Variants in PPP1R14C observed in about 807,000 individuals in gnomAD.
PPP1R14C encodes protein phosphatase 1 regulatory subunit 14C.
Under a neutral mutation model 20.4 loss-of-function variants are expected in PPP1R14C, and 16 were observed. The ratio of observed to expected loss-of-function variants is 0.78; its 90% CI spans 0.53 to 1.19. PPP1R14C has a LOEUF of 1.19. Among genes scored for constraint, PPP1R14C ranks in the 50% most tolerant of loss-of-function variants. PPP1R14C has a pLI of 0.00. For synonymous variants in PPP1R14C, 91 were observed against 91.0 expected, an observed-to-expected ratio of 1.00 and a Z score of 0.00; for missense variants, 211 against 220.1, an observed-to-expected ratio of 0.96 and a Z score of 0.26.
At chr6:150,204,838 G>A (rs1013834769) in intron 1 of PPP1R14C, among the ~76,000 whole-genome samples, 7 of 152,106 alleles carry the variant, frequency 4.6e-5, no homozygotes, top group African/African-American at 1.7e-4. Context: ...GCAGCCTGGG[G>A]CATACACGGG....
intron 1 of PPP1R14C, among the ~76,000 whole-genome samples, chr6:150,165,432 T>C (rs1777412365): frequency 6.6e-6 from 1 of 152,232 alleles, no homozygotes; most frequent in African/African-American, 2.4e-5. Context: ...CTGGACCAGT[T>C]CTGCTGGCTA....
intron 1 of PPP1R14C, among the ~76,000 whole-genome samples, chr6:150,168,119 C>T (rs1249546699): frequency 2.3e-5 from 3 of 128,678 alleles, no homozygotes; most frequent in Non-Finnish European, 4.8e-5. Flanking sequence ...TTCCCTCCCC[C>T]ACTCCTTCTC....
At chr6:150,200,854 A>G (rs2114897180) in intron 1 of PPP1R14C, among the ~76,000 whole-genome samples, 1 of 152,180 alleles carries the variant, frequency 6.6e-6, no homozygotes, top group Admixed American at 6.5e-5. Context: ...TCATCCTCTA[A>G]GTTTCCATGG....
At chr6:150,194,165 T>C (rs529927715) in intron 1 of PPP1R14C, among the ~76,000 whole-genome samples, 2 of 152,330 alleles carry the variant, frequency 1.3e-5, no homozygotes, top group Admixed American at 1.3e-4. Context: ...GTGAGTTCAT[T>C]AAACCTCTTT....
At chr6:150,145,602 C>T (rs1777172197) in intron 1 of PPP1R14C, among the ~76,000 whole-genome samples, 1 of 152,180 alleles carries the variant, frequency 6.6e-6, no homozygotes, top group Admixed American at 6.5e-5. Flanking sequence ...CTATTTTTAG[C>T]ATTGGGTTCT....
chr6:150,242,132 C>CAA (rs764088908), intron 3 of PPP1R14C, among the ~76,000 whole-genome samples: 122 of 151,972 alleles, frequency 8.0e-4, no homozygotes, highest in Admixed American at 1.4e-3. Flanking sequence ...CAAAACAAAA[C>CAA]AACAACAACA....
intron 1 of PPP1R14C, among the ~76,000 whole-genome samples, chr6:150,174,159 A>G (rs908121502): frequency 1.4e-5 from 2 of 145,282 alleles, no homozygotes; most frequent in African/African-American, 5.0e-5. Context: ...CACCTCACAT[A>G]CTTACCATTT....
Position 150,143,209 on chromosome 6 carries a change from G to C in PPP1R14C, c.17G>C (p.Gly6Ala), listed in dbSNP as rs909297585. The change falls in exon 1 of 4, where the codon GGC becomes GCC. Residue 6 changes from glycine (G) to alanine (A), a missense_variant. Transcript: ENST00000361131. This position sits in a 1 kb window ranked among gnomAD's most constrained non-coding sequence, Gnocchi z 5.6. Reference protein sequence around the residue: MSVATGSSETAGGASG... With the variant: MSVATASSETAGGASG... ...CGCGGGGACATGTCGGTGGCGACGG[G>C]CAGCAGCGAGACGGCCGGCGGGGCC... is the stretch of plus-strand genomic sequence containing the variant. The C allele has an allele frequency of 2.2e-6, 3 of 1,360,400 alleles. No homozygotes were observed. In the African/African-American group the frequency reaches 4.6e-5, roughly 21 times the overall value. 84.3% of individuals were successfully genotyped at this position (1,360,400 alleles called of 1,614,324 possible).
chr6:150,162,359 T>C (rs1777379342), intron 1 of PPP1R14C, among the ~76,000 whole-genome samples: 1 of 152,068 alleles, frequency 6.6e-6, no homozygotes, highest in Non-Finnish European at 1.5e-5. Flanking sequence ...CAGGCCAACC[T>C]CTGCCATTTC....
intron 1 of PPP1R14C, among the ~76,000 whole-genome samples, chr6:150,158,636 TTTTG>T (rs372973095): frequency 7.2e-4 from 109 of 152,356 alleles, no homozygotes; most frequent in Middle Eastern, 6.8e-3. Context: ...GGGTAATTTA[TTTTG>T]TTTATCTGTT....
intron 1 of PPP1R14C, among the ~76,000 whole-genome samples, chr6:150,166,355 C>T (rs754130599): frequency 1.3e-5 from 2 of 152,188 alleles, no homozygotes; most frequent in Non-Finnish European, 2.9e-5. Flanking sequence ...GCTGGGATTA[C>T]AGGCCTGAGC....
chr6:150,155,470 A>G (rs1020828346), intron 1 of PPP1R14C, among the ~76,000 whole-genome samples: 8 of 152,160 alleles, frequency 5.3e-5, no homozygotes, highest in Non-Finnish European at 1.2e-4. Flanking sequence ...AGGCTCCAAG[A>G]GTCTTAGTAA....
intron 3 of PPP1R14C, among the ~76,000 whole-genome samples, chr6:150,239,664 C>T (rs924760799): frequency 3.3e-5 from 5 of 152,116 alleles, no homozygotes; most frequent in African/African-American, 9.7e-5. Flanking sequence ...GAGCTTCCAC[C>T]TTAGGAACCA....
chr6:150,160,483 G>C (rs892637788), intron 1 of PPP1R14C, among the ~76,000 whole-genome samples: 1 of 150,142 alleles, frequency 6.7e-6, no homozygotes, highest in African/African-American at 2.5e-5. Flanking sequence ...CCGTGTTAGC[G>C]AGGATGGTCT....
rs1182939411 is a variant in PPP1R14C, at chr6:150,201,494, C to G, written c.307-13250C>G. On this transcript the variant is annotated intron_variant, in intron 1 of 3. Coordinates refer to ENST00000361131, the MANE Select transcript of PPP1R14C (RefSeq NM_030949.3). This position sits in a 1 kb window ranked among gnomAD's most constrained non-coding sequence, Gnocchi z 4.2. ...GAGTGTCCTGAGGGATCGGAGGAGA[C>G]CAGCGGAGTTAGAGCTCAGGGAGTT... is the stretch of plus-strand genomic sequence containing the variant. 6.6e-6 allele frequency among the ~76,000 whole-genome samples: 1 copy of G among 152,036 alleles called. No individual in the cohort carries two copies. Among genetic ancestry groups the G allele is most frequent in the Non-Finnish European group, 1.5e-5 (1 of 68,016 alleles).
chr6:150,202,413 T>C (rs556675673), intron 1 of PPP1R14C, among the ~76,000 whole-genome samples: 2 of 152,314 alleles, frequency 1.3e-5, no homozygotes, highest in South Asian at 4.1e-4. Context: ...TCTCCCTCTC[T>C]CATTGGCACC....
intron 1 of PPP1R14C, among the ~76,000 whole-genome samples, chr6:150,200,959 C>T (rs1777870402): frequency 6.6e-6 from 1 of 152,162 alleles, no homozygotes; most frequent in African/African-American, 2.4e-5. Flanking sequence ...TCCTCCCTTG[C>T]TGCTCCAAAA....
At position 150,201,564 on chromosome 6, in the gene PPP1R14C, G is replaced by A. The variant is rs1348544907; in HGVS notation, c.307-13180G>A. Among the ~76,000 whole-genome samples the A allele has an allele frequency of 6.6e-6, 1 of 152,170 alleles. No homozygotes were observed. The highest frequency in any genetic ancestry group is 1.9e-4 in the East Asian group (1 of 5,188). The stretch of plus-strand genomic sequence containing the variant: ...AGAGGAGGCCGGGAGCCCAGCAGGG[G>A]AAGCCTTCCAGGCAGAGGTAAGACT... On this transcript the variant is annotated intron_variant, in intron 1 of 3. Transcript: ENST00000361131. The surrounding 1 kb of genome is among the most constrained non-coding windows in gnomAD (Gnocchi z 4.2).
intron 1 of PPP1R14C, chr6:150,196,081 TCA>T: frequency 4.1e-6 from 4 of 985,428 alleles, no homozygotes; most frequent in Non-Finnish European, 4.8e-6. Context: ...GCTAGACCTC[TCA>T]CCCCTTTCTA....
Sources: allele counts gnomAD v4.1 joint callset (sites outside exome capture counted in the v4.1 genomes callset), GRCh38; gene constraint gnomAD v4.1.1; non-coding constraint Gnocchi (gnomAD v3.1); transcripts MANE v1.5; gene names NCBI Gene and HGNC (gene_info 2026-07-23, HGNC 2026-07-21).